The following PDZD2 variants were observed in gnomAD, a reference collection of about 807,000 sequenced individuals.
The protein encoded by PDZD2 is PDZ domain-containing protein 2.
A neutral mutation model predicts 220.7 loss-of-function variants in PDZD2; 90 were observed. That is an observed-to-expected ratio of 0.41 (90% CI 0.34 to 0.49). PDZD2 has a LOEUF of 0.49. Ranked by LOEUF, PDZD2 falls within the 20% of genes least tolerant of loss-of-function variation. The pLI is 0.28. For missense variants in PDZD2, 3,174 were observed against 3,608.5 expected, an observed-to-expected ratio of 0.88 and a Z score of 3.08; for synonymous variants, 1,375 against 1,450.5, an observed-to-expected ratio of 0.95 and a Z score of 1.18.
At chr5:31,843,091 G>A (rs1248267672) in intron 2 of PDZD2, among the ~76,000 whole-genome samples, 1 of 151,976 alleles carries the variant, frequency 6.6e-6, no homozygotes, top group East Asian at 1.9e-4. Flanking sequence ...ACGTTGGTCA[G>A]GCTGGTCTCG....
chr5:31,662,262 C>G (rs10805565), intron 1 of PDZD2, among the ~76,000 whole-genome samples: 93,833 of 151,816 alleles, frequency 0.62, 29,532 homozygotes, highest in Middle Eastern at 0.8. Flanking sequence ...AGTGGGCTGA[C>G]ATCACGCCAT....
chr5:31,881,365 TGTGTA>T (rs1739900040), intron 2 of PDZD2, among the ~76,000 whole-genome samples: 1 of 126,354 alleles, frequency 7.9e-6, no homozygotes, highest in African/African-American at 3.0e-5. Context: ...TGTGTGTGTG[TGTGTA>T]TATATTTTTT....
At chr5:31,789,177 A>G (rs952186674) in intron 1 of PDZD2, among the ~76,000 whole-genome samples, 8 of 152,350 alleles carry the variant, frequency 5.3e-5, no homozygotes, top group Non-Finnish European at 1.0e-4. Flanking sequence ...AGCTCCAGCC[A>G]TCACATATGC....
Position 31,983,315 on chromosome 5 carries a change from G to A in PDZD2, c.637G>A (p.Gly213Arg), listed in dbSNP as rs774955972. The A allele has an allele frequency of 2.5e-6, 4 of 1,614,076 alleles. No homozygotes were observed. Among genetic ancestry groups the A allele is most frequent in the Non-Finnish European group, 3.4e-6 (4 of 1,180,048 alleles). Reference sequence around the variant, plus strand: ...GCTGGGTGACCGAACTGCGAAAAAGGGGAAACGAACCAGAAAGTTTGGGGT... The same window carrying A: ...GCTGGGTGACCGAACTGCGAAAAAGAGGAAACGAACCAGAAAGTTTGGGGT... ...LELGDRTAKK[G>R]KRTRKFGVIS... is the part of the protein sequence containing the mutation. The change falls in exon 3 of 25, where the codon GGG becomes AGG. Residue 213 changes from glycine to arginine, a missense_variant. Gly to Arg is a moderately radical substitution (Grantham distance 125). Transcript: ENST00000438447.
At chr5:31,777,926 G>T (rs72496518) in intron 1 of PDZD2, among the ~76,000 whole-genome samples, 8 of 132,120 alleles carry the variant, frequency 6.1e-5, no homozygotes, top group African/African-American at 1.8e-4. Context: ...ACCAATCAGT[G>T]CTCTGTGTCT....
At chr5:31,803,096 A>T (rs1754495419) in intron 2 of PDZD2, among the ~76,000 whole-genome samples, 1 of 135,544 alleles carries the variant, frequency 7.4e-6, no homozygotes, top group Admixed American at 7.5e-5. Context: ...ATTTTATTTT[A>T]TTTTATTTTT....
At position 31,775,057 on chromosome 5, in the gene PDZD2, G is replaced by C. The variant is rs536563767; in HGVS notation, c.-360-23832G>C. Among the ~76,000 whole-genome samples, 11 of 152,264 alleles carry C rather than the reference G, an allele frequency of 7.2e-5. No individual in the cohort carries two copies. In the South Asian group the frequency reaches 1.9e-3, roughly 26 times the overall value. ...TAACAATCAGCTCTTGGGAAACATCGAGAGCCAACTCCAGCAGGCTGCCAA... is the reference window on the plus strand; with the variant it reads ...TAACAATCAGCTCTTGGGAAACATCCAGAGCCAACTCCAGCAGGCTGCCAA... On this transcript the variant is annotated intron_variant, in intron 1 of 24. Transcript: ENST00000438447.
intron 2 of PDZD2, among the ~76,000 whole-genome samples, chr5:31,926,178 C>T (rs1397740926): frequency 2.0e-5 from 3 of 151,476 alleles, no homozygotes; most frequent in African/African-American, 7.3e-5. Context: ...TATGATTGTG[C>T]CACTGTGCCC....
intron 2 of PDZD2, among the ~76,000 whole-genome samples, chr5:31,928,490 T>G (rs1219657433): frequency 6.6e-6 from 1 of 152,128 alleles, no homozygotes; most frequent in African/African-American, 2.4e-5. Flanking sequence ...AATTTTTTTT[T>G]TTTGAGTCAG....
At chr5:31,906,672 G>A (rs1223119550) in intron 2 of PDZD2, among the ~76,000 whole-genome samples, 2 of 151,890 alleles carry the variant, frequency 1.3e-5, no homozygotes, top group Admixed American at 6.6e-5. Flanking sequence ...GTGAAACCCC[G>A]TCTCTACTAA....
At chr5:31,902,034 A>G (rs1742150367) in intron 2 of PDZD2, among the ~76,000 whole-genome samples, 2 of 152,228 alleles carry the variant, frequency 1.3e-5, no homozygotes, top group Non-Finnish European at 2.9e-5. Flanking sequence ...CGTAAATAAT[A>G]CTGCTACGAA....
chr5:32,069,105 A>C (rs1740500948), intron 14 of PDZD2, among the ~76,000 whole-genome samples: 1 of 151,992 alleles, frequency 6.6e-6, no homozygotes, highest in Non-Finnish European at 1.5e-5. Flanking sequence ...GTCTCTACTA[A>C]AAATACAAAA....
At position 32,057,983 on chromosome 5, in the gene PDZD2, A is replaced by G; in HGVS notation, c.2080A>G (p.Asn694Asp). The G allele has an allele frequency of 6.2e-7, 1 of 1,613,782 alleles. No homozygotes were observed. Among genetic ancestry groups the G allele is most frequent in the Non-Finnish European group, 8.5e-7 (1 of 1,179,778 alleles). The change falls in exon 12 of 25, where the codon AAC becomes GAC. Residue 694 changes from asparagine to aspartate, a missense_variant. Coordinates refer to ENST00000438447, the MANE Select transcript of PDZD2 (RefSeq NM_178140.4). ...PTHMSRSASP[N>D]FNTSGGASAG... The stretch of plus-strand genomic sequence containing the variant: ...ACACATGAGCAGATCCGCCTCCCCG[A>G]ACTTCAATACCAGTGGGGGAGCCTC...
At chr5:32,006,643 A>G (rs7701056) in intron 5 of PDZD2, among the ~76,000 whole-genome samples, 2 of 149,476 alleles carry the variant, frequency 1.3e-5, no homozygotes, top group Admixed American at 1.3e-4. Flanking sequence ...TCCCAAGGTA[A>G]TGGGATTACA....
rs1234173895 is a variant in PDZD2, at chr5:31,730,585, TGTGTGTG to T, written c.-360-68296_-360-68290del. ...GTGTGTGTGTGTGTGTGTGTGTGTG[TGTGTGTG>T]GTGTGTGTGTGTGTGTGTAAGGGAG... On this transcript the variant is annotated intron_variant, in intron 1 of 24. Transcript: ENST00000438447. Among the ~76,000 whole-genome samples, 15 of 91,246 alleles carry T rather than the reference TGTGTGTG, an allele frequency of 1.6e-4. No individual in the cohort carries two copies. The East Asian group carries it at 3.1e-3, about 19-fold the overall frequency. The allele number at this position is 91,246 out of a possible 152,430, so 59.9% of individuals were successfully genotyped here.
chr5:31,649,499 A>AC (rs1745262842), intron 1 of PDZD2, among the ~76,000 whole-genome samples: 4 of 151,880 alleles, frequency 2.6e-5, no homozygotes, highest in African/African-American at 9.7e-5. Context: ...GAAATAAAAT[A>AC]TTTGATTTAT....
intron 1 of PDZD2, among the ~76,000 whole-genome samples, chr5:31,684,013 A>G (rs1746751298): frequency 6.6e-6 from 1 of 152,096 alleles, no homozygotes; most frequent in South Asian, 2.1e-4. Context: ...TTATTTGGGA[A>G]CTTGAGTGTT....
At chr5:32,094,198 G>A (rs1743436666) in intron 21 of PDZD2, among the ~76,000 whole-genome samples, 1 of 152,120 alleles carries the variant, frequency 6.6e-6, no homozygotes, top group South Asian at 2.1e-4. Flanking sequence ...ACCTGTAGAA[G>A]AGCATCTGAA....
intron 1 of PDZD2, among the ~76,000 whole-genome samples, chr5:31,665,434 C>A (rs747313957): frequency 6.6e-6 from 1 of 152,086 alleles, no homozygotes; most frequent in South Asian, 2.1e-4. Flanking sequence ...CAAAGAAAGG[C>A]GATTTTTATT....
Sources: allele counts gnomAD v4.1 joint callset (sites outside exome capture counted in the v4.1 genomes callset), GRCh38; gene constraint gnomAD v4.1.1; transcripts MANE v1.5; gene names NCBI Gene and HGNC (gene_info 2026-07-23, HGNC 2026-07-21).